The following ZNF787 variants were observed in gnomAD, a reference collection of about 807,000 sequenced individuals.
ZNF787 encodes TTF-I-interacting peptide 20.
In ZNF787, 7 loss-of-function variants were observed where a neutral mutation model predicts 16.9. The ratio of observed to expected loss-of-function variants is 0.42; its 90% CI spans 0.24 to 0.78. The LOEUF is 0.78. ZNF787 is among the 30% of genes least tolerant of loss of function. The probability of loss-of-function intolerance (pLI) is 0.30; values close to 1 mark genes in which losing one functional copy is unlikely to be tolerated. For missense variants in ZNF787, 551 were observed against 589.3 expected (o/e 0.94, Z 0.67); for synonymous variants, 345 against 270.9 (o/e 1.27, Z -2.69).
chr19:56,117,326 A>G (rs2450440), intron 1 of ZNF787, among the ~76,000 whole-genome samples: 1,643 of 72,554 alleles, frequency 0.023, 39 homozygotes, highest in African/African-American at 0.062. Context: ...TTCCACAAGC[A>G]GAGTGGCTAG....
At chr19:56,089,607 G>C (rs776914766) in intron 2 of ZNF787, among the ~76,000 whole-genome samples, 1 of 152,070 alleles carries the variant, frequency 6.6e-6, no homozygotes, top group Non-Finnish European at 1.5e-5. Flanking sequence ...TGTCACATTC[G>C]GGCTCCAGGA....
intron 1 of ZNF787, 109 bp from the exon 2 acceptor site, chr19:56,103,336 C>T (rs1280115695): frequency 5.2e-6 from 5 of 962,428 alleles, no homozygotes; most frequent in Non-Finnish European, 4.5e-6. Context: ...GCACAGCGCC[C>T]GGCAGACAAG....
intron 1 of ZNF787, among the ~76,000 whole-genome samples, chr19:56,111,267 G>A (rs2029971951): frequency 6.6e-6 from 1 of 152,188 alleles, no homozygotes; most frequent in African/African-American, 2.4e-5. Flanking sequence ...GGAGGGAGGG[G>A]CAGGCAGGGA....
Position 56,097,003 on chromosome 19 carries a change from G to T in ZNF787, c.79+6136C>A, listed in dbSNP as rs532064198. 1.8e-4 allele frequency among the ~76,000 whole-genome samples: 27 copies of T among 152,292 alleles called. No individual in the cohort carries two copies. In the Middle Eastern group the frequency reaches 0.014, roughly 77 times the overall value. Reference sequence around the variant, plus strand: ...TCAGGAGAAAAGGCCCCAGGAGGCAGGTTAGGAAGCGCCAGTCAGCCTAGA... The same window carrying T: ...TCAGGAGAAAAGGCCCCAGGAGGCATGTTAGGAAGCGCCAGTCAGCCTAGA... On this transcript the variant is annotated intron_variant, in intron 2 of 2. Transcript: ENST00000610935.
chr19:56,105,961 C>T (rs1986291692), intron 1 of ZNF787, among the ~76,000 whole-genome samples: 2 of 146,626 alleles, frequency 1.4e-5, no homozygotes, highest in Admixed American at 1.4e-4. Flanking sequence ...CCCCTCCGCG[C>T]CCACGGCAGT....
intron 2 of ZNF787, among the ~76,000 whole-genome samples, chr19:56,089,793 C>A (rs1009027400): frequency 6.6e-6 from 1 of 152,198 alleles, no homozygotes; most frequent in African/African-American, 2.4e-5. Context: ...CAGGGCTTTG[C>A]CTGCACATCT....
At chr19:56,092,007 AAAGCCGAAACCG>A (rs796363939) in intron 2 of ZNF787, among the ~76,000 whole-genome samples, 4,375 of 127,100 alleles carry the variant, frequency 0.034, 221 homozygotes, top group African/African-American at 0.12. Context: ...AACGGAAGCC[AAAGCCGAAACCG>A]AAGCCGAAGC....
chr19:56,090,989 C>T (rs2123389814), intron 2 of ZNF787, among the ~76,000 whole-genome samples: 1 of 152,304 alleles, frequency 6.6e-6, no homozygotes, highest in South Asian at 2.1e-4. Flanking sequence ...GCTCTTGAAC[C>T]TGCGGCAGAA....
chr19:56,088,401 TGCCGCG>T lies in ZNF787; in HGVS notation c.765_770del (p.Ala257_Ala258del), dbSNP rs943610967. On this transcript the variant is annotated inframe_deletion, in exon 3 of 3. Transcript: ENST00000610935. The surrounding 1 kb of genome is among the most constrained non-coding windows in gnomAD (Gnocchi z 8.6). ...CCTTTGCCCCCGCGCCCGCCATGGC[TGCCGCG>T]GCCGCGGCCCCCTCGCCCGGCGCGC... 4.1e-4 allele frequency: 452 copies of T among 1,107,190 alleles called. 1 individual carries two copies. Among genetic ancestry groups the T allele is most frequent in the African/African-American group, 3.0e-3 (175 of 58,624 alleles). The allele number at this position is 1,107,190 out of a possible 1,614,324, so 68.6% of individuals were successfully genotyped here. A position where few individuals can be genotyped will look rare whatever the true frequency, so the allele number is the denominator to read the frequency against.
At chr19:56,108,330 G>A (rs1221624818) in intron 1 of ZNF787, among the ~76,000 whole-genome samples, 3 of 85,042 alleles carry the variant, frequency 3.5e-5, no homozygotes, top group East Asian at 3.3e-4. Context: ...CCTGCCCAGA[G>A]CTCCCCGGCT....
chr19:56,102,482 C>A (rs630704), intron 2 of ZNF787: 167,242 of 183,666 alleles, frequency 0.91, 77,114 homozygotes, highest in Non-Finnish European at 0.99. Flanking sequence ...AGTGAGGTCA[C>A]CATGGGGCCT....
chr19:56,114,961 G>A (rs569034997), intron 1 of ZNF787, among the ~76,000 whole-genome samples: 2 of 152,094 alleles, frequency 1.3e-5, no homozygotes, highest in South Asian at 2.1e-4. Flanking sequence ...TGGCCACTTC[G>A]CTCCCTCACT....
At chr19:56,096,211 T>G (rs958104300) in intron 2 of ZNF787, among the ~76,000 whole-genome samples, 1 of 132,318 alleles carries the variant, frequency 7.6e-6, no homozygotes, top group African/African-American at 2.6e-5. Flanking sequence ...CTGGGAAACA[T>G]AGTGAGACCC....
chr19:56,093,394 C>T (rs933184064), intron 2 of ZNF787, among the ~76,000 whole-genome samples: 2 of 152,090 alleles, frequency 1.3e-5, no homozygotes, highest in Admixed American at 1.3e-4. Context: ...TGGGTGCACA[C>T]GCGATCTCAG....
In ZNF787 at chr19:56,087,727, T is replaced by C. The variant is rs1318527808; in HGVS notation, c.*296A>G. On this transcript the variant is annotated 3_prime_UTR_variant, in exon 3 of 3. Transcript: ENST00000610935. ...GGAAAATGGCCTTCCGCTTGGGGCC[T>C]GGTCGCCACTCGGCCTCTGCAGTTC... 8.4e-6 allele frequency: 2 copies of C among 237,960 alleles called. No homozygotes were observed. The highest frequency in any genetic ancestry group is 1.5e-5 in the Non-Finnish European group (2 of 131,642). The allele number at this position is 237,960 out of a possible 1,614,324, so 14.7% of individuals were successfully genotyped here. A position where few individuals can be genotyped will look rare whatever the true frequency, so the allele number is the denominator to read the frequency against.
intron 2 of ZNF787, chr19:56,102,868 G>A: frequency 1.4e-6 from 1 of 702,638 alleles, no homozygotes; most frequent in Non-Finnish European, 2.6e-6. Flanking sequence ...CAGGCTGGAG[G>A]GGCAAGGACA....
At position 56,097,649 on chromosome 19, in the gene ZNF787, C is replaced by T. The variant is rs935261773; in HGVS notation, c.79+5490G>A. ...CTTTTATTTTGGTCTCCTATAAAATCCGTACGTTTCTTTTTATCTGGCTGT... is the reference window on the plus strand; with the variant it reads ...CTTTTATTTTGGTCTCCTATAAAATTCGTACGTTTCTTTTTATCTGGCTGT... On this transcript the variant is annotated intron_variant, in intron 2 of 2. Transcript: ENST00000610935. 3.3e-5 allele frequency among the ~76,000 whole-genome samples: 5 copies of T among 152,242 alleles called. 1 individual carries two copies. In the South Asian group the frequency reaches 6.2e-4, roughly 19 times the overall value.
Position 56,087,676 on chromosome 19 carries a change from C to G in ZNF787, c.*347G>C, listed in dbSNP as rs540098186. The G allele has an allele frequency of 1.1e-5, 2 of 182,772 alleles. No individual in the cohort carries two copies. The highest frequency in any genetic ancestry group is 1.9e-4 in the South Asian group (1 of 5,178). The allele number at this position is 182,772 out of a possible 1,614,324, so 11.3% of individuals were successfully genotyped here. On this transcript the variant is annotated 3_prime_UTR_variant, in exon 3 of 3. Transcript: ENST00000610935. ...CATTCCTCGCAGCACCCCCCACCCC[C>G]GCCCCGGACAACTGAGGAAGAGCAG...
At chr19:56,107,633 C>A (rs2029875565) in intron 1 of ZNF787, among the ~76,000 whole-genome samples, 1 of 139,732 alleles carries the variant, frequency 7.2e-6, no homozygotes, top group African/African-American at 2.8e-5. Flanking sequence ...GGCTCACAGA[C>A]AGCAGGAAGG....
Sources: gnomAD v4.1 joint callset for allele counts (sites outside exome capture counted in the v4.1 genomes callset) on GRCh38, gnomAD v4.1.1 for gene constraint, Gnocchi (gnomAD v3.1) non-coding constraint, MANE v1.5 for transcripts, NCBI Gene and HGNC (gene_info 2026-07-23, HGNC 2026-07-21) for gene names.